Variants in THSD7B observed in about 807,000 individuals in gnomAD.
THSD7B encodes thrombospondin type 1 domain containing 7B.
Under a neutral mutation model 213.6 loss-of-function variants are expected in THSD7B, and 138 were observed. The ratio of observed to expected loss-of-function variants is 0.65; its 90% CI spans 0.56 to 0.74. THSD7B has a LOEUF of 0.74. THSD7B is among the 30% of genes least tolerant of loss of function. The probability of loss-of-function intolerance (pLI) is 0.00; values close to 1 mark genes in which losing one functional copy is unlikely to be tolerated. For missense variants in THSD7B, 1,931 were observed against 1,991.5 expected (o/e 0.97, Z 0.58); for synonymous variants, 742 against 687.0 (o/e 1.08, Z -1.25).
chr2:137,060,244 T>C (rs1213595909), intron 3 of THSD7B, among the ~76,000 whole-genome samples: 1 of 152,162 alleles, frequency 6.6e-6, no homozygotes, highest in African/African-American at 2.4e-5. Flanking sequence ...AAGAGTTATT[T>C]GTATATTTTG....
chr2:137,435,606 A>G (rs2105046252), intron 14 of THSD7B, among the ~76,000 whole-genome samples: 1 of 152,242 alleles, frequency 6.6e-6, no homozygotes, highest in South Asian at 2.1e-4. Flanking sequence ...CTCAAGTTGA[A>G]CTGAAGAACA....
intron 1 of THSD7B, among the ~76,000 whole-genome samples, chr2:136,836,774 A>G (rs1162953812): frequency 6.6e-6 from 1 of 152,102 alleles, no homozygotes; most frequent in Non-Finnish European, 1.5e-5. Context: ...TGTGTCTGCC[A>G]TCTAGTGTAT....
chr2:137,063,633 C>G (rs1206125696), intron 3 of THSD7B, among the ~76,000 whole-genome samples: 2 of 147,320 alleles, frequency 1.4e-5, no homozygotes, highest in African/African-American at 2.6e-5. Context: ...TTCTTTCTAA[C>G]TGTTACTGTG....
intron 15 of THSD7B, among the ~76,000 whole-genome samples, chr2:137,504,304 A>G (rs1455209969): frequency 2.0e-5 from 3 of 152,188 alleles, no homozygotes; most frequent in Non-Finnish European, 2.9e-5. Context: ...GTATAGAATA[A>G]AAGGTAATTG....
chr2:137,432,847 T>A (rs879277315), intron 14 of THSD7B, among the ~76,000 whole-genome samples: 3 of 152,232 alleles, frequency 2.0e-5, no homozygotes, highest in Non-Finnish European at 4.4e-5. Flanking sequence ...TTCACCAGTC[T>A]GTTTCTATAC....
At chr2:137,523,608 C>G (rs914526112) in intron 15 of THSD7B, among the ~76,000 whole-genome samples, 24 of 152,266 alleles carry the variant, frequency 1.6e-4, no homozygotes, top group African/African-American at 5.8e-4. Context: ...TAATTGTCTG[C>G]CCAATAGCCA....
At chr2:137,457,149 C>T (rs765682227) in intron 15 of THSD7B, among the ~76,000 whole-genome samples, 2 of 152,198 alleles carry the variant, frequency 1.3e-5, no homozygotes, top group African/African-American at 2.4e-5. Context: ...TTGCAAAGTA[C>T]TACCCCCTCA....
intron 12 of THSD7B, among the ~76,000 whole-genome samples, chr2:137,344,709 G>C (rs1335219015): frequency 6.6e-6 from 1 of 151,550 alleles, no homozygotes; most frequent in Non-Finnish European, 1.5e-5. Context: ...CCTAAAACAA[G>C]GGTGCACCAT....
intron 17 of THSD7B, among the ~76,000 whole-genome samples, chr2:137,578,997 A>C (rs2105242958): frequency 6.6e-6 from 1 of 152,316 alleles, no homozygotes; most frequent in South Asian, 2.1e-4. Flanking sequence ...AATAGCTCAA[A>C]TTATTTCAAA....
At chr2:137,311,541 T>C (rs1413832109) in intron 12 of THSD7B, among the ~76,000 whole-genome samples, 2 of 152,086 alleles carry the variant, frequency 1.3e-5, no homozygotes, top group East Asian at 1.9e-4. Flanking sequence ...TCCAACACTA[T>C]GTTGAATAGG....
intron 17 of THSD7B, among the ~76,000 whole-genome samples, chr2:137,607,232 T>A (rs1396336162): frequency 6.7e-6 from 1 of 149,270 alleles, no homozygotes; most frequent in Non-Finnish European, 1.5e-5. Flanking sequence ...TTGCATGAAA[T>A]TTGCACCACC....
At chr2:136,940,490 T>C (rs1431873373) in intron 2 of THSD7B, among the ~76,000 whole-genome samples, 1 of 151,214 alleles carries the variant, frequency 6.6e-6, no homozygotes, top group African/African-American at 2.4e-5. Flanking sequence ...AATTTTTTTT[T>C]CCTCAATCCT....
At chr2:137,504,271 T>C (rs1053873592) in intron 15 of THSD7B, among the ~76,000 whole-genome samples, 3 of 152,264 alleles carry the variant, frequency 2.0e-5, no homozygotes, top group Middle Eastern at 3.4e-3. Context: ...AAGAAATTAA[T>C]GAAAAGTATG....
chr2:137,395,416 A>G (rs1003800521), intron 12 of THSD7B, among the ~76,000 whole-genome samples: 19 of 149,970 alleles, frequency 1.3e-4, no homozygotes, highest in African/African-American at 4.7e-4. Flanking sequence ...ATCTATTGAG[A>G]TAATCATGTG....
chr2:137,137,102 A>T (rs1679481155), intron 5 of THSD7B, among the ~76,000 whole-genome samples: 1 of 152,178 alleles, frequency 6.6e-6, no homozygotes, highest in Non-Finnish European at 1.5e-5. Flanking sequence ...AAGTTTTGGT[A>T]AAATATTTGC....
chr2:136,872,814 CAAAAAAAAAA>C lies in THSD7B; in HGVS notation c.-35-9315_-35-9306del, dbSNP rs60759275. 1.1e-3 allele frequency among the ~76,000 whole-genome samples: 69 copies of C among 65,544 alleles called. 1 individual carries two copies. In the South Asian group the frequency reaches 0.019, roughly 18 times the overall value. The allele number at this position is 65,544 out of a possible 152,430, so 43.0% of individuals were successfully genotyped here. The stretch of plus-strand genomic sequence containing the variant: ...TGAAACTCTGTCTTTACTGAAAATA[CAAAAAAAAAA>C]AAAAAAAAAAAAAAGCCAGGCATGG... On this transcript the variant is annotated intron_variant, in intron 1 of 27. Transcript: ENST00000409968.
chr2:137,366,107 TGGAAACCA>T (rs1685400379), intron 12 of THSD7B, among the ~76,000 whole-genome samples: 2 of 141,036 alleles, frequency 1.4e-5, no homozygotes, highest in Non-Finnish European at 3.3e-5. Flanking sequence ...TGGATGAAGC[TGGAAACCA>T]TCATTCTGAG....
chr2:137,241,030 A>G (rs1681887137), intron 9 of THSD7B, among the ~76,000 whole-genome samples: 1 of 151,936 alleles, frequency 6.6e-6, no homozygotes, highest in Admixed American at 6.6e-5. Flanking sequence ...GTGTTTTTTC[A>G]ATCATAATTT....
chr2:137,479,723 A>T (rs562076925), intron 15 of THSD7B, among the ~76,000 whole-genome samples: 9 of 152,286 alleles, frequency 5.9e-5, no homozygotes, highest in South Asian at 2.1e-4. Context: ...GCTGGCAGGG[A>T]ATATCAGTAG....
Sources: allele counts gnomAD v4.1 joint callset (sites outside exome capture counted in the v4.1 genomes callset), GRCh38; gene constraint gnomAD v4.1.1; transcripts MANE v1.5; gene names NCBI Gene and HGNC (gene_info 2026-07-23, HGNC 2026-07-21).